The following DCC variants were observed in gnomAD, a reference collection of about 807,000 sequenced individuals.
The protein encoded by DCC is DCC netrin 1 receptor.
DCC carries 58 observed loss-of-function variants against 172.5 expected under a neutral mutation model. That is an observed-to-expected ratio of 0.34 (90% CI 0.27 to 0.42). The LOEUF is 0.42. Among genes scored for constraint, DCC ranks in the 10% least tolerant of loss-of-function variants. The probability of loss-of-function intolerance (pLI) is 1.00; values close to 1 mark genes in which losing one functional copy is unlikely to be tolerated. For missense variants in DCC, 1,740 were observed against 1,791.0 expected, an observed-to-expected ratio of 0.97 and a Z score of 0.51; for synonymous variants, 709 against 644.5, an observed-to-expected ratio of 1.10 and a Z score of -1.52.
intron 15 of DCC, among the ~76,000 whole-genome samples, chr18:53,379,891 AATT>A (rs1268902783): frequency 6.6e-6 from 1 of 152,208 alleles, no homozygotes; most frequent in Non-Finnish European, 1.5e-5. Flanking sequence ...TGGACTTCCA[AATT>A]ATTATTTGGA....
chr18:52,677,748 T>G (rs2035671485), intron 1 of DCC, among the ~76,000 whole-genome samples: 1 of 152,150 alleles, frequency 6.6e-6, no homozygotes, highest in Admixed American at 6.5e-5. Context: ...AATTTCTTTC[T>G]GAAGAAACTG....
intron 8 of DCC, among the ~76,000 whole-genome samples, chr18:53,167,645 T>C (rs529552887): frequency 1.3e-5 from 2 of 152,368 alleles, no homozygotes; most frequent in South Asian, 4.1e-4. Flanking sequence ...TAGCCATTTT[T>C]TTATGCTCAG....
chr18:52,972,358 G>C (rs2041043738), intron 5 of DCC, among the ~76,000 whole-genome samples: 2 of 152,026 alleles, frequency 1.3e-5, no homozygotes, highest in African/African-American at 4.8e-5. Context: ...ACATAAATAA[G>C]CTAAAATTTT....
intron 17 of DCC, among the ~76,000 whole-genome samples, chr18:53,396,806 C>T (rs1908973685): frequency 6.6e-6 from 1 of 151,804 alleles, no homozygotes; most frequent in Non-Finnish European, 1.5e-5. Flanking sequence ...AAACTTATGC[C>T]AAAAAAACCA....
At chr18:53,481,187 C>A (rs565051265) in intron 25 of DCC, 1 of 152,256 alleles carries the variant, frequency 6.6e-6, no homozygotes, top group East Asian at 1.9e-4. Context: ...TACTGCTCAC[C>A]AGACCAATCC....
intron 5 of DCC, among the ~76,000 whole-genome samples, chr18:53,030,276 A>C (rs534788584): frequency 1.3e-5 from 2 of 152,308 alleles, no homozygotes; most frequent in South Asian, 4.1e-4. Context: ...TATAGGAGAT[A>C]TATGCACACA....
At chr18:53,216,047 T>TC (rs902590886) in intron 12 of DCC, among the ~76,000 whole-genome samples, 1 of 152,200 alleles carries the variant, frequency 6.6e-6, no homozygotes, top group African/African-American at 2.4e-5. Flanking sequence ...ATAAATGTAG[T>TC]CATTGAAGGC....
intron 5 of DCC, among the ~76,000 whole-genome samples, chr18:53,044,313 A>G (rs2042208031): frequency 6.6e-6 from 1 of 151,874 alleles, no homozygotes; most frequent in Admixed American, 6.6e-5. Flanking sequence ...GGAATCATGA[A>G]GTGACTGCAC....
intron 12 of DCC, among the ~76,000 whole-genome samples, chr18:53,244,389 C>T (rs965647087): frequency 4.6e-5 from 7 of 152,098 alleles, no homozygotes; most frequent in Non-Finnish European, 1.0e-4. Context: ...TGTCCTAGTA[C>T]AGATATGTTT....
chr18:52,563,029 CTG>C, intron 1 of DCC, among the ~76,000 whole-genome samples: 1 of 152,122 alleles, frequency 6.6e-6, no homozygotes, highest in Admixed American at 6.6e-5. Context: ...GGACAAAACT[CTG>C]ATACTTTTTG....
chr18:53,062,230 A>G (rs2042505177), intron 5 of DCC, among the ~76,000 whole-genome samples: 1 of 152,076 alleles, frequency 6.6e-6, no homozygotes, highest in Non-Finnish European at 1.5e-5. Flanking sequence ...ATTTTTCTAG[A>G]AGGCAATGGC....
At chr18:53,432,881 T>A (rs1253857548) in intron 21 of DCC, among the ~76,000 whole-genome samples, 1 of 152,158 alleles carries the variant, frequency 6.6e-6, no homozygotes, top group Non-Finnish European at 1.5e-5. Flanking sequence ...TGTCTTTAGA[T>A]CAAGAGATCT....
chr18:53,318,367 C>A (rs1422403827), intron 13 of DCC, among the ~76,000 whole-genome samples: 4 of 152,140 alleles, frequency 2.6e-5, no homozygotes, highest in Non-Finnish European at 5.9e-5. Context: ...GATTTTCATT[C>A]TTTTGCCTTT....
At chr18:53,404,576 G>A (rs1972045) in intron 19 of DCC, among the ~76,000 whole-genome samples, 80,868 of 151,178 alleles carry the variant, frequency 0.53, 23,703 homozygotes, top group Non-Finnish European at 0.66. Context: ...CTAAAAATAC[G>A]AAAAATTAGC....
intron 1 of DCC, among the ~76,000 whole-genome samples, chr18:52,508,567 G>A (rs1352885167): frequency 6.6e-6 from 1 of 152,088 alleles, no homozygotes; most frequent in Non-Finnish European, 1.5e-5. Context: ...AATTGATTGG[G>A]GCTGTAAAGT....
intron 1 of DCC, among the ~76,000 whole-genome samples, chr18:52,704,439 A>AT (rs1229263125): frequency 6.6e-6 from 1 of 152,168 alleles, no homozygotes; most frequent in Non-Finnish European, 1.5e-5. Flanking sequence ...ACACATGGTA[A>AT]TTTTTTAAAG....
rs773904860 is a variant in DCC at position 53,386,071 on chromosome 18, A to G, written c.2388A>G (p.Leu796=). 24 of 1,612,796 alleles carry G rather than the reference A, an allele frequency of 1.5e-5. No individual in the cohort carries two copies. In the East Asian group the frequency reaches 4.5e-4, roughly 30 times the overall value. ...CAAGTTCCCATTATGTAATCTCCCT[A>G]AAAGCTTTTAACAATGCCGGAGAAG... ...LESSSHYVIS[L]KAFNNAGEGV... is the part of the protein sequence containing the mutation. Residue 796 remains leucine, a synonymous_variant, in exon 16 of 29, where the codon CTA becomes CTG. Coordinates refer to ENST00000442544, the MANE Select transcript of DCC (RefSeq NM_005215.4).
chr18:52,892,227 A>C (rs746443707), intron 2 of DCC, among the ~76,000 whole-genome samples: 17 of 152,110 alleles, frequency 1.1e-4, no homozygotes, highest in Non-Finnish European at 2.1e-4. Context: ...GCTTGGAAGC[A>C]ATGTTGTTGC....
At chr18:52,894,339 C>G (rs889574650) in intron 2 of DCC, among the ~76,000 whole-genome samples, 1 of 151,908 alleles carries the variant, frequency 6.6e-6, no homozygotes, top group African/African-American at 2.4e-5. Context: ...ATCCCTGGCA[C>G]ATATTAGATG....
Sources: gnomAD v4.1 joint callset for allele counts (sites outside exome capture counted in the v4.1 genomes callset) on GRCh38, gnomAD v4.1.1 for gene constraint, MANE v1.5 for transcripts, NCBI Gene and HGNC (gene_info 2026-07-23, HGNC 2026-07-21) for gene names.